Variants in GRIK3 observed in about 807,000 individuals in gnomAD.
GRIK3 encodes glutamate ionotropic receptor kainate type subunit 3.
In GRIK3, 29 loss-of-function variants were observed where a neutral mutation model predicts 102.5. The observed-to-expected ratio is 0.28, with a 90% CI of 0.21 to 0.39. The LOEUF (loss-of-function observed/expected upper bound fraction) is 0.39. GRIK3 is among the 10% of genes least tolerant of loss of function. The pLI, the probability that GRIK3 is intolerant of heterozygous loss-of-function variation, is 1.00. For synonymous variants in GRIK3, 511 were observed against 504.9 expected, an observed-to-expected ratio of 1.01 and a Z score of -0.16; for missense variants, 908 against 1,252.4, an observed-to-expected ratio of 0.73 and a Z score of 4.15.
At chr1:36,844,394 AT>A (rs1640496246) in intron 9 of GRIK3, among the ~76,000 whole-genome samples, 2 of 152,242 alleles carry the variant, frequency 1.3e-5, no homozygotes, top group South Asian at 2.1e-4. Context: ...GAAGGAGGAC[AT>A]CGGCTGGTCC....
At chr1:36,926,994 G>A (rs1641534241) in intron 1 of GRIK3, among the ~76,000 whole-genome samples, 1 of 152,192 alleles carries the variant, frequency 6.6e-6, no homozygotes, top group African/African-American at 2.4e-5. Flanking sequence ...AAGTTGAACA[G>A]ACACATTTCC....
rs191350186 is a variant in GRIK3, at chr1:37,023,484, G to A, written c.115+10510C>T. Among the ~76,000 whole-genome samples the A allele has an allele frequency of 3.6e-3, 542 of 152,306 alleles. 2 individuals carry two copies. Among genetic ancestry groups the A allele is most frequent in the Middle Eastern group, 0.01 (3 of 294 alleles). On this transcript the variant is annotated intron_variant, in intron 1 of 15. Transcript: ENST00000373091. ...CAAGGAGGGACAGTCTATGAGTCCA[G>A]AGATGCCAACCATGGCAGATCATAA...
chr1:36,965,216 G>A (rs897218932), intron 1 of GRIK3, among the ~76,000 whole-genome samples: 3 of 152,124 alleles, frequency 2.0e-5, no homozygotes, highest in Non-Finnish European at 2.9e-5. Context: ...CAAAGTCCTC[G>A]CGGGCTGAAC....
intron 1 of GRIK3, among the ~76,000 whole-genome samples, chr1:37,015,915 A>T (rs1232977199): frequency 6.6e-6 from 1 of 152,238 alleles, no homozygotes; most frequent in African/African-American, 2.4e-5. Context: ...TCCTGCCAAG[A>T]TCTGGTGCCT....
At chr1:36,820,695 C>T (rs990577989) in intron 11 of GRIK3, among the ~76,000 whole-genome samples, 4 of 152,158 alleles carry the variant, frequency 2.6e-5, no homozygotes, top group African/African-American at 7.2e-5. Flanking sequence ...AATATTCAGA[C>T]AGTATAGATG....
At position 36,872,402 on chromosome 1, in the gene GRIK3, G is replaced by A. The variant is rs780183196; in HGVS notation, c.551-33C>T. 84 of 1,502,806 alleles carry A rather than the reference G, an allele frequency of 5.6e-5. No homozygotes were observed. The Admixed American group carries it at 1.7e-3, about 30-fold the overall frequency. 93.1% of individuals were successfully genotyped at this position (1,502,806 alleles called of 1,614,324 possible). On this transcript the variant is annotated intron_variant, in intron 3 of 15. Transcript: ENST00000373091. The surrounding 1 kb of genome is among the most constrained non-coding windows in gnomAD (Gnocchi z 5.9). ...GCCATGGAGCACAAAAGACACACGTGTACCACATGTATCCACAGCTCCAGG... is the reference window on the plus strand; with the variant it reads ...GCCATGGAGCACAAAAGACACACGTATACCACATGTATCCACAGCTCCAGG...
chr1:37,006,908 A>G (rs1260879416), intron 1 of GRIK3, among the ~76,000 whole-genome samples: 1 of 152,226 alleles, frequency 6.6e-6, no homozygotes, highest in Non-Finnish European at 1.5e-5. Context: ...CCAGGGAGCA[A>G]GCTAGTGGTG....
intron 1 of GRIK3, among the ~76,000 whole-genome samples, chr1:36,922,932 G>C (rs1482118553): frequency 1.3e-5 from 2 of 152,216 alleles, no homozygotes; most frequent in East Asian, 3.9e-4. Context: ...CTGGGGTAAA[G>C]GGAGGCTGTA....
chr1:36,880,963 TC>T lies in GRIK3; in HGVS notation c.293-73del, dbSNP rs1640969134. ...GGTATGGGGACAGTGATGCTGATGATCCTGTAAACATGTGGGAAAAACAGCA... is the reference window on the plus strand; with the variant it reads ...GGTATGGGGACAGTGATGCTGATGATCTGTAAACATGTGGGAAAAACAGCA... On this transcript the variant is annotated intron_variant, in intron 2 of 15. Coordinates refer to ENST00000373091, the MANE Select transcript of GRIK3 (RefSeq NM_000831.4). This position sits in a 1 kb window ranked among gnomAD's most constrained non-coding sequence, Gnocchi z 5.4. 2 of 1,479,256 alleles carry T rather than the reference TC, an allele frequency of 1.4e-6. No individual in the cohort carries two copies. Among genetic ancestry groups the T allele is most frequent in the African/African-American group, 1.4e-5 (1 of 71,820 alleles). The allele number at this position is 1,479,256 out of a possible 1,614,324, so 91.6% of individuals were successfully genotyped here.
At chr1:36,864,679 G>A (rs1415189391) in intron 5 of GRIK3, among the ~76,000 whole-genome samples, 1 of 152,212 alleles carries the variant, frequency 6.6e-6, no homozygotes, top group African/African-American at 2.4e-5. Flanking sequence ...GGAGGGGGCA[G>A]GTTGGGGTGG....
chr1:36,830,638 C>T (rs946096939), intron 10 of GRIK3, among the ~76,000 whole-genome samples: 3 of 151,606 alleles, frequency 2.0e-5, no homozygotes, highest in African/African-American at 4.8e-5. Context: ...GGTGAAACCC[C>T]GTCTCTACTA....
intron 10 of GRIK3, among the ~76,000 whole-genome samples, chr1:36,832,495 T>C (rs554159989): frequency 2.6e-5 from 4 of 152,332 alleles, no homozygotes; most frequent in Non-Finnish European, 5.9e-5. Context: ...ACCAACACCC[T>C]GAAGGGTCCA....
At chr1:37,017,101 G>A (rs1642659083) in intron 1 of GRIK3, among the ~76,000 whole-genome samples, 1 of 151,856 alleles carries the variant, frequency 6.6e-6, no homozygotes, top group Non-Finnish European at 1.5e-5. Context: ...TGTAGTCCCA[G>A]CTACTTGGGA....
intron 5 of GRIK3, 152 bp from the exon 6 acceptor site, chr1:36,860,169 A>G: frequency 1.7e-6 from 1 of 589,968 alleles, no homozygotes; most frequent in Admixed American, 3.3e-5. Context: ...ATATCGGGGT[A>G]GTCACAGGAG....
At chr1:36,842,830 C>A (rs187656001) in intron 9 of GRIK3, among the ~76,000 whole-genome samples, 132 of 152,308 alleles carry the variant, frequency 8.7e-4, no homozygotes, top group African/African-American at 3.1e-3. Flanking sequence ...TGTGCAAGCA[C>A]CCCTAGCCGG....
chr1:36,812,041 C>T (rs1642568279), intron 13 of GRIK3, among the ~76,000 whole-genome samples: 1 of 152,038 alleles, frequency 6.6e-6, no homozygotes, highest in Non-Finnish European at 1.5e-5. Context: ...TTTTGGTCCC[C>T]CTACCTGCTT....
chr1:36,858,433 T>C (rs1239068763), intron 7 of GRIK3, among the ~76,000 whole-genome samples: 7 of 152,222 alleles, frequency 4.6e-5, no homozygotes, highest in Non-Finnish European at 1.0e-4. Context: ...ACAAGGACAG[T>C]GGCAGATGGA....
intron 5 of GRIK3, among the ~76,000 whole-genome samples, chr1:36,866,872 CATCT>C (rs1217171376): frequency 6.6e-6 from 1 of 152,194 alleles, no homozygotes; most frequent in Non-Finnish European, 1.5e-5. Flanking sequence ...TCTGTCCATC[CATCT>C]GTCCATCCAT....
chr1:37,015,227 G>A (rs1187747689), intron 1 of GRIK3, among the ~76,000 whole-genome samples: 1 of 152,162 alleles, frequency 6.6e-6, no homozygotes, highest in Non-Finnish European at 1.5e-5. Flanking sequence ...CTAAAGCAGA[G>A]ACCCCAAGGG....
Sources: allele counts gnomAD v4.1 joint callset (sites outside exome capture counted in the v4.1 genomes callset), GRCh38; gene constraint gnomAD v4.1.1; non-coding constraint Gnocchi (gnomAD v3.1); transcripts MANE v1.5; gene names NCBI Gene and HGNC (gene_info 2026-07-23, HGNC 2026-07-21).